The following MACROD1 variants were observed in gnomAD, a reference collection of about 807,000 sequenced individuals.
MACROD1 encodes the protein ADP-ribose glycohydrolase MACROD1.
MACROD1 carries 31 observed loss-of-function variants against 41.4 expected under a neutral mutation model. The observed-to-expected ratio is 0.75, with a 90% CI of 0.56 to 1.01. The LOEUF (loss-of-function observed/expected upper bound fraction) is 1.01, where lower values mean the gene tolerates loss of function less well. MACROD1 is among the 50% of genes least tolerant of loss of function. The probability of loss-of-function intolerance (pLI) is 0.00; values close to 1 mark genes in which losing one functional copy is unlikely to be tolerated. For synonymous variants in MACROD1, 252 were observed against 203.4 expected (o/e 1.24, Z -2.03); for missense variants, 473 against 460.0 (o/e 1.03, Z -0.26).
chr11:64,018,503 A>G (rs757967147), intron 3 of MACROD1, among the ~76,000 whole-genome samples: 53 of 152,176 alleles, frequency 3.5e-4, no homozygotes, highest in Admixed American at 2.6e-3. Flanking sequence ...GTGCCAGCCA[A>G]TGCCAACAGA....
intron 3 of MACROD1, among the ~76,000 whole-genome samples, chr11:64,037,440 C>T (rs978212920): frequency 3.9e-5 from 6 of 152,234 alleles, no homozygotes; most frequent in Non-Finnish European, 5.9e-5. Context: ...GCAGACATCA[C>T]CTGTCAGCTG....
intron 3 of MACROD1, among the ~76,000 whole-genome samples, chr11:64,016,625 C>T (rs979138641): frequency 6.6e-6 from 1 of 152,280 alleles, no homozygotes. Flanking sequence ...GAGCTGACAG[C>T]TCTTCGCTTG....
At chr11:64,150,428 G>A (rs1023761429) in intron 3 of MACROD1, among the ~76,000 whole-genome samples, 27 of 152,188 alleles carry the variant, frequency 1.8e-4, no homozygotes, top group African/African-American at 5.5e-4. Flanking sequence ...AGCCCAAGAC[G>A]AGAGGACCTG....
intron 3 of MACROD1, among the ~76,000 whole-genome samples, chr11:64,088,148 A>G (rs546226739): frequency 6.6e-6 from 1 of 152,286 alleles, no homozygotes; most frequent in East Asian, 1.9e-4. Context: ...GTGCTCTGCA[A>G]AAATAAAGTT....
At chr11:64,048,215 G>A (rs563540394) in intron 3 of MACROD1, among the ~76,000 whole-genome samples, 2 of 152,344 alleles carry the variant, frequency 1.3e-5, no homozygotes, top group African/African-American at 2.4e-5. Context: ...GGGGGCCTTC[G>A]AGGAGAGCTC....
At position 64,046,278 on chromosome 11, in the gene MACROD1, G is replaced by A. The variant is rs115724496; in HGVS notation, c.518-30997C>T. The stretch of plus-strand genomic sequence containing the variant: ...AGAAGAGGGACAGGGGCCACCTCCT[G>A]CAGAACCTTCTAGTAGCAAACTTAG... On this transcript the variant is annotated intron_variant, in intron 3 of 10. Coordinates refer to ENST00000255681, the MANE Select transcript of MACROD1 (RefSeq NM_014067.4). Among the ~76,000 whole-genome samples, 434 of 152,300 alleles carry A rather than the reference G, an allele frequency of 2.8e-3. 2 individuals are homozygous for A. Among genetic ancestry groups the A allele is most frequent in the African/African-American group, 9.7e-3 (402 of 41,572 alleles).
chr11:64,015,046 T>G, intron 4 of MACROD1, among the ~76,000 whole-genome samples: 2 of 151,202 alleles, frequency 1.3e-5, no homozygotes, highest in African/African-American at 2.4e-5. Flanking sequence ...TTCAGAGGGG[T>G]GGGGAGCTGG....
chr11:63,999,460 T>TCCG lies in MACROD1; in HGVS notation c.818-59_818-57dup. 2.6e-6 allele frequency: 4 copies of TCCG among 1,561,940 alleles called. 1 individual carries two copies. In the Admixed American group the frequency reaches 7.6e-5, roughly 30 times the overall value. ...GGCTCTGGCCCCGCCCACTCCCCTG[T>TCCG]CCGCCCCGGCCCCTCCCGGCGTCTG... On this transcript the variant is annotated intron_variant, in intron 7 of 10. Coordinates refer to ENST00000255681, the MANE Select transcript of MACROD1 (RefSeq NM_014067.4).
chr11:64,115,511 T>C (rs748906462), intron 3 of MACROD1, among the ~76,000 whole-genome samples: 8 of 151,960 alleles, frequency 5.3e-5, no homozygotes, highest in Non-Finnish European at 8.8e-5. Flanking sequence ...TGTAAATACA[T>C]GAGAAAGTGA....
rs1289694038 is a variant in MACROD1, at chr11:64,096,314, C to T, written c.517+54925G>A. 2.0e-5 allele frequency among the ~76,000 whole-genome samples: 3 copies of T among 152,182 alleles called. No homozygotes were observed. The highest frequency in any genetic ancestry group is 2.9e-5 in the Non-Finnish European group (2 of 68,034). ...GCTGGTGGCGCCAGGTTCATCACCC[C>T]GAGCTTCCTCTAGGCTGGACACGGT... On this transcript the variant is annotated intron_variant, in intron 3 of 10. Transcript: ENST00000255681. This position sits in a 1 kb window ranked among gnomAD's most constrained non-coding sequence, Gnocchi z 4.6.
In MACROD1 at chr11:64,146,011, C is replaced by A. The variant is rs977063642; in HGVS notation, c.517+5228G>T. Reference sequence around the variant, plus strand: ...TCTCAAACTCCTGACCTCAAGCGATCCGCCCGCCTCGGCCTCCCAAAGTGC... The same window carrying A: ...TCTCAAACTCCTGACCTCAAGCGATACGCCCGCCTCGGCCTCCCAAAGTGC... On this transcript the variant is annotated intron_variant, in intron 3 of 10. Transcript: ENST00000255681. This position sits in a 1 kb window ranked among gnomAD's most constrained non-coding sequence, Gnocchi z 4.7. Among the ~76,000 whole-genome samples, 5 of 151,948 alleles carry A rather than the reference C, an allele frequency of 3.3e-5. No individual in the cohort carries two copies. The highest frequency in any genetic ancestry group is 1.3e-4 in the Admixed American group (2 of 15,252).
intron 3 of MACROD1, among the ~76,000 whole-genome samples, chr11:64,102,183 C>G (rs1467002668): frequency 6.6e-6 from 1 of 152,160 alleles, no homozygotes; most frequent in Non-Finnish European, 1.5e-5. Flanking sequence ...TAATAAAAGC[C>G]CTTTTCCAAA....
chr11:64,147,991 G>A (rs1565259561), intron 3 of MACROD1, among the ~76,000 whole-genome samples: 4 of 151,718 alleles, frequency 2.6e-5, no homozygotes, highest in Non-Finnish European at 5.9e-5. Flanking sequence ...CTCTCGTCTC[G>A]GCCTCCCACG....
chr11:64,122,089 G>C lies in MACROD1; in HGVS notation c.517+29150C>G, dbSNP rs1349425586. 6.6e-6 allele frequency among the ~76,000 whole-genome samples: 1 copy of C among 152,178 alleles called. No individual in the cohort carries two copies. Among genetic ancestry groups the C allele is most frequent in the Non-Finnish European group, 1.5e-5 (1 of 68,036 alleles). On this transcript the variant is annotated intron_variant, in intron 3 of 10. Coordinates refer to ENST00000255681, the MANE Select transcript of MACROD1 (RefSeq NM_014067.4). This position sits in a 1 kb window ranked among gnomAD's most constrained non-coding sequence, Gnocchi z 4.0. Reference sequence around the variant, plus strand: ...CTTGTAAGCTCAGCTCAGGCGTGGGGCCCAATGTATGGAATGCTTAAGAGA... The same window carrying C: ...CTTGTAAGCTCAGCTCAGGCGTGGGCCCCAATGTATGGAATGCTTAAGAGA...
Position 63,998,587 on chromosome 11 carries a change from C to T in MACROD1, c.*131G>A, listed in dbSNP as rs902364170. Reference sequence around the variant, plus strand: ...ACAACGAGATCTTTATTAGGCTCCTCGGGGGCGGGGCGCGGAGGGAAAGAA... The same window carrying T: ...ACAACGAGATCTTTATTAGGCTCCTTGGGGGCGGGGCGCGGAGGGAAAGAA... On this transcript the variant is annotated 3_prime_UTR_variant, in exon 11 of 11. Transcript: ENST00000255681. The T allele has an allele frequency of 1.2e-5, 15 of 1,263,358 alleles. No homozygotes were observed. The highest frequency in any genetic ancestry group is 1.5e-5 in the Non-Finnish European group (15 of 1,001,956). The allele number at this position is 1,263,358 out of a possible 1,614,324, so 78.3% of individuals were successfully genotyped here.
At chr11:64,029,627 A>G (rs1417116495) in intron 3 of MACROD1, among the ~76,000 whole-genome samples, 1 of 148,722 alleles carries the variant, frequency 6.7e-6, no homozygotes, top group Non-Finnish European at 1.5e-5. Flanking sequence ...GGCCCTTCCC[A>G]GCCCACCCTG....
At chr11:64,136,509 T>G (rs1945334820) in intron 3 of MACROD1, among the ~76,000 whole-genome samples, 1 of 152,054 alleles carries the variant, frequency 6.6e-6, no homozygotes, top group Non-Finnish European at 1.5e-5. Flanking sequence ...GAGGGCAAGG[T>G]CCAGAGGGGA....
intron 3 of MACROD1, among the ~76,000 whole-genome samples, chr11:64,030,848 C>T (rs1489568608): frequency 6.7e-6 from 1 of 149,574 alleles, no homozygotes; most frequent in Admixed American, 6.7e-5. Context: ...CTCAGGAGTT[C>T]GAATCCAGCC....
intron 4 of MACROD1, among the ~76,000 whole-genome samples, chr11:64,013,187 G>A (rs1465937244): frequency 6.6e-6 from 1 of 152,134 alleles, no homozygotes; most frequent in African/African-American, 2.4e-5. Flanking sequence ...GGGGGTAGAA[G>A]ACAAGGAACA....
Sources: gnomAD v4.1 joint callset for allele counts (sites outside exome capture counted in the v4.1 genomes callset) on GRCh38, gnomAD v4.1.1 for gene constraint, Gnocchi (gnomAD v3.1) non-coding constraint, MANE v1.5 for transcripts, NCBI Gene and HGNC (gene_info 2026-07-23, HGNC 2026-07-21) for gene names.